MAST4: variants seen among roughly 807,000 people sequenced by gnomAD.
MAST4 encodes the protein microtubule-associated serine/threonine-protein kinase 4.
In MAST4, 89 loss-of-function variants were observed where a neutral mutation model predicts 162.7. That is an observed-to-expected ratio of 0.55 (90% CI 0.46 to 0.65). The LOEUF is 0.65. MAST4 is among the 30% of genes least tolerant of loss of function. The probability of loss-of-function intolerance (pLI) is 0.00; values close to 1 mark genes in which losing one functional copy is unlikely to be tolerated. For missense variants in MAST4, 3,153 were observed against 3,374.0 expected, an observed-to-expected ratio of 0.93 and a Z score of 1.62; for synonymous variants, 1,479 against 1,361.1, an observed-to-expected ratio of 1.09 and a Z score of -1.91.
intron 1 of MAST4, among the ~76,000 whole-genome samples, chr5:66,731,179 G>A (rs1378090889): frequency 6.6e-6 from 1 of 152,176 alleles, no homozygotes; most frequent in Admixed American, 6.5e-5. Context: ...ATACACAATT[G>A]AATAATAACA....
rs1309731288 is a variant in MAST4 at position 67,163,479 on chromosome 5, G to A, written c.4300G>A (p.Glu1434Lys). ...ACACATCGTGAGGCCCAAGAGTGCG[G>A]AGCCCCCCAGGTCCCCGCTGCTCAA... ...VRHIVRPKSAEPPRSPLLKRV... is the reference protein window; with the variant it reads ...VRHIVRPKSAKPPRSPLLKRV... The change falls in exon 29 of 29, where the codon GAG becomes AAG. Residue 1434 changes from glutamate to lysine, a missense_variant. Coordinates refer to ENST00000403625, the MANE Select transcript of MAST4 (RefSeq NM_001164664.2). This position sits in a 1 kb window ranked among gnomAD's most constrained non-coding sequence, Gnocchi z 7.0. The A allele has an allele frequency of 1.2e-6, 2 of 1,613,370 alleles. No homozygotes were observed. The highest frequency in any genetic ancestry group is 1.1e-5 in the South Asian group (1 of 91,044).
Position 66,759,882 on chromosome 5 carries a change from A to G in MAST4, c.517+20A>G, listed in dbSNP as rs778191432. 2 of 1,612,890 alleles carry G rather than the reference A, an allele frequency of 1.2e-6. No individual in the cohort carries two copies. The highest frequency in any genetic ancestry group is 1.3e-5 in the African/African-American group (1 of 75,002). On this transcript the variant is annotated intron_variant, in intron 2 of 28. Transcript: ENST00000403625. ...TGACTGGTGAGTCGCAGCGGCTTGG[A>G]TGAGAGAAGGAATTGCATTTCTTTA...
intron 1 of MAST4, among the ~76,000 whole-genome samples, chr5:66,687,075 A>G (rs1401215534): frequency 2.6e-5 from 4 of 152,078 alleles, no homozygotes; most frequent in Non-Finnish European, 4.4e-5. Context: ...TATTTCTAGC[A>G]GCTTTTTTTT....
chr5:66,715,557 T>C (rs1271459821), intron 1 of MAST4, among the ~76,000 whole-genome samples: 1 of 149,932 alleles, frequency 6.7e-6, no homozygotes, highest in East Asian at 2.0e-4. Flanking sequence ...CATTAGGAGA[T>C]ATACCTAATG....
intron 4 of MAST4, among the ~76,000 whole-genome samples, chr5:67,006,483 C>CA (rs1186296555): frequency 1.3e-5 from 2 of 152,198 alleles, no homozygotes. Flanking sequence ...CACTGCTCAA[C>CA]ATGGTGATAA....
chr5:66,763,475 T>C (rs768608512), intron 2 of MAST4, among the ~76,000 whole-genome samples: 2 of 152,244 alleles, frequency 1.3e-5, no homozygotes, highest in African/African-American at 2.4e-5. Flanking sequence ...CTTAGTTATA[T>C]ATAAAGCAGT....
intron 1 of MAST4, among the ~76,000 whole-genome samples, chr5:66,684,537 A>C (rs1218932379): frequency 2.6e-5 from 4 of 152,218 alleles, no homozygotes; most frequent in Non-Finnish European, 5.9e-5. Flanking sequence ...GTATATATGC[A>C]TTGTGAATGT....
At chr5:66,972,269 C>T (rs773483660) in intron 4 of MAST4, among the ~76,000 whole-genome samples, 6 of 152,092 alleles carry the variant, frequency 3.9e-5, no homozygotes, top group Non-Finnish European at 8.8e-5. Context: ...CTAATAGTCT[C>T]GGGTGAAAAA....
intron 1 of MAST4, among the ~76,000 whole-genome samples, chr5:66,745,813 T>G (rs1003535936): frequency 6.6e-6 from 1 of 152,334 alleles, no homozygotes. Flanking sequence ...TTTTCTAGCT[T>G]TAACCTTTAG....
chr5:66,765,174 C>T (rs1272569982), intron 2 of MAST4, among the ~76,000 whole-genome samples: 4 of 152,042 alleles, frequency 2.6e-5, no homozygotes, highest in African/African-American at 9.7e-5. Flanking sequence ...CATAAGTACA[C>T]CCTATGATGT....
intron 1 of MAST4, among the ~76,000 whole-genome samples, chr5:66,681,523 C>G (rs62359989): frequency 0.16 from 24,657 of 152,202 alleles, 2,406 homozygotes; most frequent in East Asian, 0.31. Context: ...TTGAAACAGA[C>G]TTCCCAGGTC....
chr5:67,056,538 AATATTGAGACG>A (rs1206420818), intron 5 of MAST4, among the ~76,000 whole-genome samples: 5 of 152,158 alleles, frequency 3.3e-5, no homozygotes, highest in Admixed American at 1.3e-4. Context: ...CTTCACTTCT[AATATTGAGACG>A]ACAGAACGTG....
chr5:67,136,872 G>A (rs1390410130), intron 19 of MAST4, among the ~76,000 whole-genome samples: 1 of 152,142 alleles, frequency 6.6e-6, no homozygotes, highest in Non-Finnish European at 1.5e-5. Flanking sequence ...TTGGTTGTTT[G>A]TCTTTGTTTT....
At chr5:66,748,497 TTTC>T (rs979252103) in intron 1 of MAST4, among the ~76,000 whole-genome samples, 16 of 79,486 alleles carry the variant, frequency 2.0e-4, no homozygotes. Context: ...TTTTCTTCCT[TTTC>T]TTCTTCTTAG....
intron 5 of MAST4, among the ~76,000 whole-genome samples, chr5:67,087,645 TA>T (rs1374351510): frequency 6.6e-6 from 1 of 152,210 alleles, no homozygotes; most frequent in Non-Finnish European, 1.5e-5. Context: ...CTTAAGGAAT[TA>T]TCAGTTGCTC....
chr5:67,127,368 G>T (rs969725074), intron 14 of MAST4, among the ~76,000 whole-genome samples: 3 of 152,106 alleles, frequency 2.0e-5, no homozygotes, highest in African/African-American at 7.2e-5. Flanking sequence ...TTGGCTGTGG[G>T]TTTGTCATAA....
In MAST4 at chr5:67,094,302, A is replaced by G. The variant is rs1581535991; in HGVS notation, c.834-1295A>G. ...AGCCTATAATTTTATTTTCCTACGA[A>G]TATAAATTTAGGCTAAAATGTCAGT... On this transcript the variant is annotated intron_variant, in intron 6 of 28. Coordinates refer to ENST00000403625, the MANE Select transcript of MAST4 (RefSeq NM_001164664.2). The G allele has an allele frequency of 8.6e-6, 4 of 464,474 alleles. No homozygotes were observed. The East Asian group carries it at 1.4e-4, about 16-fold the overall frequency. 28.8% of individuals were successfully genotyped at this position (464,474 alleles called of 1,614,324 possible).
chr5:66,596,546 G>T lies in MAST4; in HGVS notation c.-110G>T. ...GCTGGCGGGGCTCCCTGCAGCCCGG[G>T]AGCGGCAGTGCCAGTGAGCCTGAGC... is the stretch of plus-strand genomic sequence containing the variant. On this transcript the variant is annotated 5_prime_UTR_variant, in exon 1 of 29. Coordinates refer to ENST00000403625, the MANE Select transcript of MAST4 (RefSeq NM_001164664.2). 2 of 1,236,754 alleles carry T rather than the reference G, an allele frequency of 1.6e-6. No homozygotes were observed. Among genetic ancestry groups the T allele is most frequent in the Non-Finnish European group, 1.0e-6 (1 of 978,936 alleles). The allele number at this position is 1,236,754 out of a possible 1,614,324, so 76.6% of individuals were successfully genotyped here.
intron 1 of MAST4, among the ~76,000 whole-genome samples, chr5:66,687,937 T>G (rs1580199354): frequency 1.3e-5 from 2 of 152,318 alleles, no homozygotes; most frequent in East Asian, 3.9e-4. Context: ...TGTGGCAGTT[T>G]TTCAGGTGCA....
Sources: allele counts gnomAD v4.1 joint callset (sites outside exome capture counted in the v4.1 genomes callset), GRCh38; gene constraint gnomAD v4.1.1; non-coding constraint Gnocchi (gnomAD v3.1); transcripts MANE v1.5; gene names NCBI Gene and HGNC (gene_info 2026-07-23, HGNC 2026-07-21).